MIER2: variants seen among roughly 807,000 people sequenced by gnomAD.
MIER2 encodes mesoderm induction early response protein 2.
In MIER2, 30 loss-of-function variants were observed where a neutral mutation model predicts 67.6. That is an observed-to-expected ratio of 0.44 (90% CI 0.33 to 0.60). The LOEUF (loss-of-function observed/expected upper bound fraction) is 0.60, where lower values mean the gene tolerates loss of function less well. Ranked by LOEUF, MIER2 falls within the 20% of genes least tolerant of loss-of-function variation. The pLI is 0.02. For synonymous variants in MIER2, 372 were observed against 312.6 expected, an observed-to-expected ratio of 1.19 and a Z score of -2.00; for missense variants, 702 against 745.1, an observed-to-expected ratio of 0.94 and a Z score of 0.67.
intron 2 of MIER2, 39 bp from the exon 3 acceptor site, chr19:334,581 C>G: frequency 6.2e-7 from 1 of 1,602,058 alleles, no homozygotes. Context: ...CACCGTGCCT[C>G]GCCTGTCCCA....
chr19:343,637 C>T (rs1972602852), intron 1 of MIER2, among the ~76,000 whole-genome samples: 1 of 152,212 alleles, frequency 6.6e-6, no homozygotes. Context: ...GTTCCAATCC[C>T]GGCTTCCCAC....
intron 7 of MIER2, among the ~76,000 whole-genome samples, chr19:318,730 T>C (rs1971367462): frequency 6.6e-6 from 1 of 152,248 alleles, no homozygotes; most frequent in Middle Eastern, 3.4e-3. Context: ...TCACGGAGTA[T>C]GTTTTCTGAC....
intron 1 of MIER2, among the ~76,000 whole-genome samples, chr19:337,275 C>A (rs1007462925): frequency 6.6e-6 from 1 of 152,000 alleles, no homozygotes; most frequent in Non-Finnish European, 1.5e-5. Flanking sequence ...ATTTAATATC[C>A]AAAAGTCAAT....
Position 311,793 on chromosome 19 carries a change from C to T in MIER2, c.984+52G>A. On this transcript the variant is annotated intron_variant, in intron 10 of 13. Coordinates refer to ENST00000264819, the MANE Select transcript of MIER2 (RefSeq NM_017550.3). ...GTGCTGTGTGCCTGCGGACCCTGAG[C>T]CCCTCCCCAGATCGAGAAGCCCCCG... 2.5e-6 allele frequency: 4 copies of T among 1,579,890 alleles called. No homozygotes were observed. The South Asian group carries it at 4.5e-5, about 18-fold the overall frequency.
chr19:306,557 C>T lies in MIER2; in HGVS notation c.*133G>A, dbSNP rs1970657993. ...CCCAGCCACCTCACCCCAGTCCTGA[C>T]GTGTTCTGAAGCAGAAGGAGGTGCT... On this transcript the variant is annotated 3_prime_UTR_variant, in exon 14 of 14. Transcript: ENST00000264819. 9.9e-6 allele frequency: 12 copies of T among 1,215,546 alleles called. No homozygotes were observed. Among genetic ancestry groups the T allele is most frequent in the Admixed American group, 2.1e-5 (1 of 48,644 alleles). The allele number at this position is 1,215,546 out of a possible 1,614,324, so 75.3% of individuals were successfully genotyped here. A position where few individuals can be genotyped will look rare whatever the true frequency, so the allele number is the denominator to read the frequency against.
chr19:328,078 CA>C (rs1971847822), intron 3 of MIER2, 89 bp from the exon 4 acceptor site: 4 of 1,546,454 alleles, frequency 2.6e-6, no homozygotes, highest in Non-Finnish European at 3.5e-6. Flanking sequence ...TCACTGGCCA[CA>C]ACCAGGGCCA....
chr19:327,627 G>A (rs1366117164), intron 4 of MIER2, among the ~76,000 whole-genome samples: 2 of 152,218 alleles, frequency 1.3e-5, no homozygotes, highest in African/African-American at 4.8e-5. Flanking sequence ...TCCTGGGGAG[G>A]CCCCGATGTG....
chr19:326,426 G>A (rs540456484), intron 6 of MIER2, 81 bp downstream of exon 6: 20 of 1,291,758 alleles, frequency 1.5e-5, no homozygotes, highest in East Asian at 7.1e-5. Flanking sequence ...AGACGGCAGA[G>A]CCACGGTCGG....
At position 308,505 on chromosome 19, in the gene MIER2, C is replaced by G. The variant is rs1245360256; in HGVS notation, c.1198+72G>C. On this transcript the variant is annotated intron_variant, in intron 12 of 13. Transcript: ENST00000264819. This position sits in a 1 kb window ranked among gnomAD's most constrained non-coding sequence, Gnocchi z 9.1. ...AGCACAGGGCGCCAGGCAGGAGAGGCTCCACCGGGCCTCACTCACGGCTCC... is the reference window on the plus strand; with the variant it reads ...AGCACAGGGCGCCAGGCAGGAGAGGGTCCACCGGGCCTCACTCACGGCTCC... 6.8e-7 allele frequency: 1 copy of G among 1,460,330 alleles called. No individual in the cohort carries two copies. Among genetic ancestry groups the G allele is most frequent in the Non-Finnish European group, 9.2e-7 (1 of 1,081,338 alleles). The allele number at this position is 1,460,330 out of a possible 1,614,324, so 90.5% of individuals were successfully genotyped here. A position where few individuals can be genotyped will look rare whatever the true frequency, so the allele number is the denominator to read the frequency against.
chr19:313,633 G>T lies in MIER2; in HGVS notation c.666C>A (p.Asn222Lys). 6.2e-7 allele frequency: 1 copy of T among 1,611,334 alleles called. No individual in the cohort carries two copies. The change falls in exon 8 of 14, where the codon AAC (asparagine) becomes AAA (lysine). Residue 222 changes from asparagine (N) to lysine (K), a missense_variant. Asn to Lys is a moderately conservative substitution (Grantham distance 94). Transcript: ENST00000264819. Reference protein sequence around the residue: ...LNRHCEKIYENEDQLLWDPSV... With the variant: ...LNRHCEKIYEKEDQLLWDPSV... The stretch of plus-strand genomic sequence containing the variant: ...TGGGGTCCCAGAGCAGCTGGTCTTC[G>T]TTCTCGTAGACTGCACAAGCAGAGG...
intron 7 of MIER2, among the ~76,000 whole-genome samples, chr19:316,426 G>T (rs1302754930): frequency 1.3e-4 from 20 of 151,904 alleles, no homozygotes. Flanking sequence ...CCGAGTAGCT[G>T]GGACTACAGG....
intron 4 of MIER2, 73 bp from the exon 5 acceptor site, chr19:327,329 C>T (rs1043795936): frequency 1.3e-6 from 2 of 1,511,404 alleles, no homozygotes; most frequent in Middle Eastern, 1.8e-4. Context: ...ATGATAACAA[C>T]AGTAAAGACA....
At chr19:330,715 G>A (rs1971985816) in intron 3 of MIER2, among the ~76,000 whole-genome samples, 1 of 152,088 alleles carries the variant, frequency 6.6e-6, no homozygotes, top group Admixed American at 6.6e-5. Context: ...AACAGGATTA[G>A]TGTCCTTTCA....
chr19:321,048 G>A (rs72984470), intron 7 of MIER2, among the ~76,000 whole-genome samples: 19,096 of 152,138 alleles, frequency 0.13, 1,573 homozygotes, highest in African/African-American at 0.22. Context: ...GGAAAGGCAC[G>A]TGCTCACAGT....
At chr19:344,056 C>G in intron 1 of MIER2, 1 of 985,440 alleles carries the variant, frequency 1.0e-6, no homozygotes, top group Non-Finnish European at 1.2e-6. Flanking sequence ...TAGCTGGTCC[C>G]AAACATTTCA....
At chr19:323,343 GACACA>G (rs1971582201) in intron 7 of MIER2, among the ~76,000 whole-genome samples, 1 of 145,038 alleles carries the variant, frequency 6.9e-6, no homozygotes, top group Non-Finnish European at 1.5e-5. Flanking sequence ...CGACTCGAAT[GACACA>G]GACATCATCA....
chr19:318,310 T>C (rs1971347219), intron 7 of MIER2, among the ~76,000 whole-genome samples: 1 of 152,144 alleles, frequency 6.6e-6, no homozygotes, highest in African/African-American at 2.4e-5. Flanking sequence ...AAAGCTGCTG[T>C]GGTCACACTG....
intron 4 of MIER2, 60 bp from the exon 5 acceptor site, chr19:327,316 C>T (rs934866041): frequency 5.2e-6 from 8 of 1,538,444 alleles, no homozygotes; most frequent in Middle Eastern, 1.8e-4. Flanking sequence ...CGCAATACCA[C>T]TAATGATAAC....
Position 335,543 on chromosome 19 carries a change from C to CG in MIER2, c.100+539_100+540insC, listed in dbSNP as rs1972205180. Among the ~76,000 whole-genome samples the CG allele has an allele frequency of 2.0e-5, 3 of 152,334 alleles. No individual in the cohort carries two copies. The South Asian group carries it at 6.2e-4, about 32-fold the overall frequency. On this transcript the variant is annotated intron_variant, in intron 2 of 13. Transcript: ENST00000264819. The stretch of plus-strand genomic sequence containing the variant: ...GTTTGATACGGAAAGAGACGCAGCC[C>CG]TACACCTGGCAGAAGGAGCCCAGCC...
Sources: allele counts gnomAD v4.1 joint callset (sites outside exome capture counted in the v4.1 genomes callset), GRCh38; gene constraint gnomAD v4.1.1; non-coding constraint Gnocchi (gnomAD v3.1); transcripts MANE v1.5; gene names NCBI Gene and HGNC (gene_info 2026-07-23, HGNC 2026-07-21).